Variants in CATSPERT observed in about 807,000 individuals in gnomAD.
CATSPERT encodes cation channel sperm-associated targeting subunit tau.
At chr2:201,488,288 T>A in the CATSPERT span, among the ~76,000 whole-genome samples, 1 of 152,206 alleles carries the variant, frequency 6.6e-6, no homozygotes, top group Admixed American at 6.5e-5. Context: ...GTAATTTCTC[T>A]CCAACAAAAT....
the CATSPERT span, among the ~76,000 whole-genome samples, chr2:201,519,640 C>T: frequency 2.0e-5 from 3 of 151,432 alleles, no homozygotes; most frequent in African/African-American, 4.9e-5. Flanking sequence ...TGAATGAGTA[C>T]TTCAACAAAG....
chr2:201,618,370 T>C, the CATSPERT span, among the ~76,000 whole-genome samples: 1 of 152,164 alleles, frequency 6.6e-6, no homozygotes, highest in Non-Finnish European at 1.5e-5. Flanking sequence ...CATGGAATAC[T>C]ATGCAGCCAT....
the CATSPERT span, among the ~76,000 whole-genome samples, chr2:201,588,813 G>T: frequency 2.0e-5 from 3 of 152,074 alleles, no homozygotes; most frequent in Non-Finnish European, 2.9e-5. Context: ...AACAGAGGAA[G>T]TCAAACTATC....
the CATSPERT span, among the ~76,000 whole-genome samples, chr2:201,617,313 C>G: frequency 2.6e-5 from 4 of 152,176 alleles, no homozygotes; most frequent in African/African-American, 9.7e-5. Context: ...AACTATACTA[C>G]AAGGCTACAG....
the CATSPERT span, chr2:201,493,854 C>T: frequency 1.3e-6 from 2 of 1,536,248 alleles, no homozygotes; most frequent in African/African-American, 1.4e-5. Flanking sequence ...GAAAATCTCT[C>T]TCATCAGCTT....
chr2:201,560,941 C>T, the CATSPERT span, among the ~76,000 whole-genome samples: 8,363 of 152,158 alleles, frequency 0.055, 279 homozygotes, highest in African/African-American at 0.08. Flanking sequence ...CGCCACCACG[C>T]CTGGCTAATT....
At chr2:201,581,171 T>A in the CATSPERT span, among the ~76,000 whole-genome samples, 1 of 151,774 alleles carries the variant, frequency 6.6e-6, no homozygotes, top group African/African-American at 2.4e-5. Context: ...TTTGGGAGGC[T>A]GAGGCGGGCA....
At chr2:201,587,040 G>C in the CATSPERT span, among the ~76,000 whole-genome samples, 133,659 of 151,854 alleles carry the variant, frequency 0.88, 59,701 homozygotes, top group South Asian at 0.98. Flanking sequence ...AGTGGTTGCT[G>C]TAGGGATTAT....
the CATSPERT span, among the ~76,000 whole-genome samples, chr2:201,616,085 A>C: frequency 6.6e-6 from 1 of 152,186 alleles, no homozygotes; most frequent in South Asian, 2.1e-4. Flanking sequence ...AACCAAAAAA[A>C]CTCCAGGACC....
the CATSPERT span, among the ~76,000 whole-genome samples, chr2:201,495,515 T>C: frequency 6.6e-6 from 1 of 152,292 alleles, no homozygotes; most frequent in African/African-American, 2.4e-5. Context: ...TCTTTTTTCG[T>C]ACTTCTGTGT....
the CATSPERT span, among the ~76,000 whole-genome samples, chr2:201,537,739 G>C: frequency 6.6e-6 from 1 of 151,828 alleles, no homozygotes; most frequent in Non-Finnish European, 1.5e-5. Flanking sequence ...TTTTTTAAAA[G>C]TTGGGAGGAA....
At chr2:201,524,920 T>C in the CATSPERT span, among the ~76,000 whole-genome samples, 1 of 152,176 alleles carries the variant, frequency 6.6e-6, no homozygotes, top group Non-Finnish European at 1.5e-5. Context: ...GACTTAACTA[T>C]CCTAAATATA....
At chr2:201,618,198 C>G in the CATSPERT span, among the ~76,000 whole-genome samples, 1 of 152,170 alleles carries the variant, frequency 6.6e-6, no homozygotes, top group Non-Finnish European at 1.5e-5. Context: ...ACCCAGCCAT[C>G]CCATTACTGG....
chr2:201,517,443 GTC>G, the CATSPERT span, among the ~76,000 whole-genome samples: 78 of 152,224 alleles, frequency 5.1e-4, no homozygotes, highest in African/African-American at 1.5e-3. Flanking sequence ...AGAAAGCCAT[GTC>G]TCTGTCAGCA....
At chr2:201,566,301 C>T in the CATSPERT span, among the ~76,000 whole-genome samples, 51 of 151,224 alleles carry the variant, frequency 3.4e-4, no homozygotes, top group Non-Finnish European at 6.6e-4. Context: ...TTGTGTGCTG[C>T]ACCCATTAAC....
At chr2:201,563,275 G>T in the CATSPERT span, among the ~76,000 whole-genome samples, 14 of 144,524 alleles carry the variant, frequency 9.7e-5, no homozygotes, top group South Asian at 3.0e-3. Flanking sequence ...CCGGGCAGAG[G>T]CGCCCCTCAC....
At chr2:201,535,578 T>C in the CATSPERT span, 2 of 1,026,698 alleles carry the variant, frequency 1.9e-6, no homozygotes, top group Non-Finnish European at 2.3e-6. Context: ...ATTTTGTTAT[T>C]GTCGTTACAC....
At chr2:201,500,719 T>C in the CATSPERT span, among the ~76,000 whole-genome samples, 1 of 152,110 alleles carries the variant, frequency 6.6e-6, no homozygotes, top group Non-Finnish European at 1.5e-5. Context: ...GGGCCCCTGA[T>C]GACGTCATGA....
chr2:201,552,354 C>T, the CATSPERT span, among the ~76,000 whole-genome samples: 1 of 152,072 alleles, frequency 6.6e-6, no homozygotes, highest in Non-Finnish European at 1.5e-5. Context: ...ACTAGTGATG[C>T]TAGAAGTGCT....
Sources: gnomAD v4.1 joint callset for allele counts (sites outside exome capture counted in the v4.1 genomes callset) on GRCh38, gnomAD v4.1.1 for gene constraint, MANE v1.5 for transcripts, NCBI Gene and HGNC (gene_info 2026-07-23, HGNC 2026-07-21) for gene names.